Variants in SOX5 observed in about 807,000 individuals in gnomAD.
SOX5 encodes the protein transcription factor SOX-5.
SOX5 carries 9 observed loss-of-function variants against 92.0 expected under a neutral mutation model. The ratio of observed to expected loss-of-function variants is 0.10; its 90% CI spans 0.06 to 0.17. The LOEUF is 0.17. SOX5 is among the 10% of genes least tolerant of loss of function. SOX5 has a pLI of 1.00. For synonymous variants in SOX5, 344 were observed against 336.3 expected (o/e 1.02, Z -0.25); for missense variants, 642 against 944.5 (o/e 0.68, Z 4.20).
At chr12:24,049,165 G>A (rs1957310662) in intron 4 of SOX5, among the ~76,000 whole-genome samples, 1 of 152,182 alleles carries the variant, frequency 6.6e-6, no homozygotes, top group Admixed American at 6.5e-5. Context: ...ATAGCAGCAG[G>A]GAAAGGAAGT....
intron 4 of SOX5, among the ~76,000 whole-genome samples, chr12:24,130,361 GA>G (rs961744720): frequency 3.9e-5 from 6 of 152,264 alleles, no homozygotes; most frequent in African/African-American, 1.2e-4. Flanking sequence ...TATATTGACA[GA>G]GAACATAAAA....
intron 4 of SOX5, among the ~76,000 whole-genome samples, chr12:24,066,380 CTA>C (rs1483581478): frequency 6.6e-6 from 1 of 152,060 alleles, no homozygotes; most frequent in Non-Finnish European, 1.5e-5. Flanking sequence ...TGAAAATATT[CTA>C]TGATAGCTTC....
intron 2 of SOX5, among the ~76,000 whole-genome samples, chr12:24,337,339 T>TC (rs1952024225): frequency 7.7e-6 from 1 of 129,346 alleles, no homozygotes; most frequent in Non-Finnish European, 1.6e-5. Flanking sequence ...ATCTGATTTT[T>TC]CTTTTTTTTT....
At chr12:23,950,282 T>TCA (rs1175116187), upstream of SOX5, among the ~76,000 whole-genome samples, 3 of 146,332 alleles carry the variant, frequency 2.1e-5, no homozygotes, top group Admixed American at 6.8e-5. Flanking sequence ...ACACACACAC[T>TCA]CACACACACA....
At chr12:24,433,951 AT>A (rs954448492) in intron 1 of SOX5, among the ~76,000 whole-genome samples, 4 of 152,176 alleles carry the variant, frequency 2.6e-5, no homozygotes, top group Non-Finnish European at 5.9e-5. Context: ...AAAAAGAGAC[AT>A]TAAGGAGAGG....
At chr12:23,896,613 C>T (rs573924429) in intron 1 of SOX5, among the ~76,000 whole-genome samples, 37 of 150,568 alleles carry the variant, frequency 2.5e-4, no homozygotes, top group African/African-American at 8.5e-4. Flanking sequence ...ATAAATTTTA[C>T]AATCACTGTT....
upstream of SOX5, among the ~76,000 whole-genome samples, chr12:23,953,544 G>A (rs1945920598): frequency 6.6e-6 from 1 of 151,946 alleles, no homozygotes; most frequent in Admixed American, 6.6e-5. Flanking sequence ...TATGTTAAGT[G>A]CTATGGCTTT....
At chr12:24,493,356 G>T (rs1360790379) in intron 1 of SOX5, among the ~76,000 whole-genome samples, 1 of 152,102 alleles carries the variant, frequency 6.6e-6, no homozygotes, top group Non-Finnish European at 1.5e-5. Flanking sequence ...TCATGAATGG[G>T]ATTCTGGAAC....
chr12:23,591,270 CTA>C (rs1433061138), intron 9 of SOX5, among the ~76,000 whole-genome samples: 1 of 151,960 alleles, frequency 6.6e-6, no homozygotes, highest in African/African-American at 2.4e-5. Flanking sequence ...ATATTACAAA[CTA>C]TGATAACTAG....
At chr12:24,303,243 C>T (rs1948190789) in intron 2 of SOX5, among the ~76,000 whole-genome samples, 1 of 152,204 alleles carries the variant, frequency 6.6e-6, no homozygotes, top group South Asian at 2.1e-4. Context: ...AATTCATACA[C>T]ATCCAATATA....
intron 4 of SOX5, among the ~76,000 whole-genome samples, chr12:23,995,252 T>G (rs149574956): frequency 3.9e-4 from 60 of 152,342 alleles, no homozygotes; most frequent in African/African-American, 1.4e-3. Context: ...CGTCTGACAT[T>G]TAGCAAGATA....
At chr12:23,676,109 A>G (rs1441723993) in intron 6 of SOX5, among the ~76,000 whole-genome samples, 1 of 152,130 alleles carries the variant, frequency 6.6e-6, no homozygotes, top group Non-Finnish European at 1.5e-5. Flanking sequence ...AAGGGGACTA[A>G]ATTGCAGTTA....
At chr12:24,076,934 T>C (rs1942695884) in intron 4 of SOX5, among the ~76,000 whole-genome samples, 1 of 152,116 alleles carries the variant, frequency 6.6e-6, no homozygotes, top group South Asian at 2.1e-4. Flanking sequence ...AAGAATCAGA[T>C]TACAATACTA....
In SOX5 at chr12:23,907,769, T is replaced by A. The variant is rs190970584; in HGVS notation, c.39-11745A>T. Among the ~76,000 whole-genome samples, 27 of 151,388 alleles carry A rather than the reference T, an allele frequency of 1.8e-4. No homozygotes were observed. The East Asian group carries it at 4.8e-3, about 27-fold the overall frequency. The stretch of plus-strand genomic sequence containing the variant: ...AGCAAAAAAAAAAAAATGTTTCGAG[T>A]AGGAAAGAATATCTATTCAGGCTTT... On this transcript the variant is annotated intron_variant, in intron 1 of 14. Coordinates refer to ENST00000451604, the MANE Select transcript of SOX5 (RefSeq NM_006940.6).
chr12:24,262,286 T>A (rs1177563944), intron 3 of SOX5, among the ~76,000 whole-genome samples: 1 of 152,182 alleles, frequency 6.6e-6, no homozygotes, highest in Non-Finnish European at 1.5e-5. Flanking sequence ...ACACTAAACA[T>A]AGGTCTTAGA....
chr12:23,682,674 C>T (rs2086811571), intron 6 of SOX5, among the ~76,000 whole-genome samples: 1 of 151,670 alleles, frequency 6.6e-6, no homozygotes, highest in African/African-American at 2.4e-5. Flanking sequence ...TTTAAATTCT[C>T]AACATAAATC....
chr12:24,498,487 T>G (rs537612989), intron 1 of SOX5, among the ~76,000 whole-genome samples: 1 of 152,080 alleles, frequency 6.6e-6, no homozygotes, highest in Non-Finnish European at 1.5e-5. Context: ...TAAATAGGAG[T>G]GTTACAAACT....
intron 4 of SOX5, among the ~76,000 whole-genome samples, chr12:24,126,738 C>A (rs890638627): frequency 6.6e-6 from 1 of 152,180 alleles, no homozygotes; most frequent in South Asian, 2.1e-4. Flanking sequence ...CACAATCGAG[C>A]TGCAGGTGCT....
intron 1 of SOX5, among the ~76,000 whole-genome samples, chr12:24,527,818 T>C (rs771000872): frequency 6.6e-6 from 1 of 152,232 alleles, no homozygotes; most frequent in Non-Finnish European, 1.5e-5. Flanking sequence ...CCTACTAATT[T>C]CTTAAAAACA....
Sources: allele counts gnomAD v4.1 joint callset (sites outside exome capture counted in the v4.1 genomes callset), GRCh38; gene constraint gnomAD v4.1.1; transcripts MANE v1.5; gene names NCBI Gene and HGNC (gene_info 2026-07-23, HGNC 2026-07-21).